Variants in CMTR1 observed in about 807,000 individuals in gnomAD.
The protein encoded by CMTR1 is cap-specific mRNA (nucleoside-2'-O-)-methyltransferase 1.
CMTR1 carries 39 observed loss-of-function variants against 107.0 expected under a neutral mutation model. The observed-to-expected ratio is 0.36, with a 90% CI of 0.28 to 0.48. The LOEUF is 0.48. Ranked by LOEUF, CMTR1 falls within the 20% of genes least tolerant of loss-of-function variation. The pLI, the probability that CMTR1 is intolerant of heterozygous loss-of-function variation, is 0.99. For synonymous variants in CMTR1, 366 were observed against 379.5 expected (o/e 0.96, Z 0.41); for missense variants, 672 against 1,064.9 (o/e 0.63, Z 5.14).
intron 4 of CMTR1, among the ~76,000 whole-genome samples, chr6:37,447,887 A>G (rs1771831862): frequency 6.8e-6 from 1 of 147,772 alleles, no homozygotes; most frequent in African/African-American, 2.5e-5. Flanking sequence ...AAAAAGCCCT[A>G]TAAGTAAGTA....
intron 2 of CMTR1, among the ~76,000 whole-genome samples, chr6:37,443,562 C>G (rs1182282287): frequency 6.6e-6 from 1 of 152,150 alleles, no homozygotes; most frequent in Non-Finnish European, 1.5e-5. Context: ...ACCATGTTGG[C>G]CAGGCTGATC....
intron 14 of CMTR1, 109 bp from the exon 15 acceptor site, chr6:37,471,738 T>G: frequency 1.1e-6 from 1 of 891,966 alleles, no homozygotes; most frequent in Non-Finnish European, 1.8e-6. Flanking sequence ...GTGTGTACAC[T>G]CACATGTTCA....
chr6:37,456,842 G>GT (rs1176058853), intron 8 of CMTR1, among the ~76,000 whole-genome samples: 1 of 152,176 alleles, frequency 6.6e-6, no homozygotes, highest in Non-Finnish European at 1.5e-5. Context: ...TCAGGTGTGG[G>GT]TAAGAGCATA....
intron 2 of CMTR1, among the ~76,000 whole-genome samples, chr6:37,443,642 C>T (rs887615904): frequency 2.6e-5 from 4 of 152,182 alleles, no homozygotes; most frequent in Non-Finnish European, 5.9e-5. Flanking sequence ...ACGCGTGAGC[C>T]ACCATGCCCA....
the CMTR1 span, among the ~76,000 whole-genome samples, chr6:37,426,594 C>T: frequency 1.3e-4 from 19 of 151,680 alleles, no homozygotes; most frequent in South Asian, 1.0e-3. Context: ...AGTGCAGTAA[C>T]GCAATCTTGG....
rs757889285 is a variant in CMTR1, at chr6:37,450,271, G to A, written c.465G>A (p.Val155=). ...TGCAGCCCAGTGCTTGTGAGCAGGTGTCATGGTTTCCAGAATGTACCACTG... is the reference window on the plus strand; with the variant it reads ...TGCAGCCCAGTGCTTGTGAGCAGGTATCATGGTTTCCAGAATGTACCACTG... ...DEPEPSACEQ[V]SWFPECTTEI... Residue 155 remains valine, a synonymous_variant, in exon 5 of 24, where the codon GTG becomes GTA. Coordinates refer to ENST00000373451, the MANE Select transcript of CMTR1 (RefSeq NM_015050.3). 4 of 1,614,078 alleles carry A rather than the reference G, an allele frequency of 2.5e-6. No individual in the cohort carries two copies. The highest frequency in any genetic ancestry group is 2.2e-5 in the South Asian group (2 of 91,072).
rs75724438 is a variant in CMTR1 at position 37,458,363 on chromosome 6, A to T, written c.778-249A>T. Among the ~76,000 whole-genome samples the T allele has an allele frequency of 6.6e-5, 10 of 152,132 alleles. No individual in the cohort carries two copies. In the East Asian group the frequency reaches 1.9e-3, roughly 29 times the overall value. On this transcript the variant is annotated intron_variant, in intron 8 of 23. Transcript: ENST00000373451. This position sits in a 1 kb window ranked among gnomAD's most constrained non-coding sequence, Gnocchi z 4.7. ...AGCCACCGCGCCTGGCTCCATGAAGATGTTTTTATGAGGAGTCTGAGCTAG... is the reference window on the plus strand; with the variant it reads ...AGCCACCGCGCCTGGCTCCATGAAGTTGTTTTTATGAGGAGTCTGAGCTAG...
At chr6:37,436,267 T>C (rs2113861399) in intron 2 of CMTR1, 2 of 152,564 alleles carry the variant, frequency 1.3e-5, no homozygotes, top group South Asian at 4.1e-4. Context: ...AAGATTTCAC[T>C]AATCTGGTTG....
Position 37,451,824 on chromosome 6 carries a change from G to A in CMTR1, c.556G>A (p.Asp186Asn). ...VVGKRKMIIE[D>N]ETEFCGEELL... ...CCTGTAGAGAAAGATGATTATTGAA[G>A]ATGAAACAGAGTTTTGTGGGGAAGA... Residue 186 changes from aspartate (D) to asparagine (N), a missense_variant, in exon 6 of 24, where the codon GAT (aspartate) becomes AAT (asparagine). By Grantham distance (23) the Asp-to-Asn change is conservative (BLOSUM62 1). Coordinates refer to ENST00000373451, the MANE Select transcript of CMTR1 (RefSeq NM_015050.3). The A allele has an allele frequency of 1.2e-6, 2 of 1,613,598 alleles. No individual in the cohort carries two copies. Among genetic ancestry groups the A allele is most frequent in the Non-Finnish European group, 8.5e-7 (1 of 1,179,702 alleles).
At chr6:37,425,256 A>T in the CMTR1 span, among the ~76,000 whole-genome samples, 1 of 147,070 alleles carries the variant, frequency 6.8e-6, no homozygotes, top group African/African-American at 2.5e-5. Flanking sequence ...CTGGATATAG[A>T]ATTCTTGATT....
chr6:37,456,888 T>C (rs150773004), intron 8 of CMTR1, among the ~76,000 whole-genome samples: 298 of 152,028 alleles, frequency 2.0e-3, no homozygotes, highest in African/African-American at 6.8e-3. Context: ...AAACATACAA[T>C]ATGGTCCAGT....
At chr6:37,444,243 C>T (rs1562117575) in intron 3 of CMTR1, 93 bp downstream of exon 3, 2 of 1,491,452 alleles carry the variant, frequency 1.3e-6, no homozygotes, top group Non-Finnish European at 9.0e-7. Context: ...AAAGTTTGGC[C>T]ATAGGTTTTT....
rs778269576 is a variant in CMTR1, at chr6:37,450,255, G to A, written c.449G>A (p.Ser150Asn). Residue 150 changes from serine (S) to asparagine (N), a missense_variant, in exon 5 of 24, where the codon AGT becomes AAT. By Grantham distance (46) the Ser-to-Asn change is conservative. This residue lies in a region of CMTR1 where 583 missense variants were observed against 968.4 expected (regional missense o/e 0.60). Transcript: ENST00000373451. ...TAGCCTCTCTTTTGTTTGCAGCCCA[G>A]TGCTTGTGAGCAGGTGTCATGGTTT... is the stretch of plus-strand genomic sequence containing the variant. ...NVDWRDEPEP[S>N]ACEQVSWFPE... 4.6e-5 allele frequency: 75 copies of A among 1,613,828 alleles called. No homozygotes were observed. In the South Asian group the frequency reaches 6.5e-4, roughly 14 times the overall value.
intron 1 of CMTR1, among the ~76,000 whole-genome samples, chr6:37,435,027 C>G (rs920042914): frequency 6.6e-6 from 1 of 152,076 alleles, no homozygotes; most frequent in Non-Finnish European, 1.5e-5. Context: ...CTTGTGTTTC[C>G]TCGGTCTTAA....
chr6:37,438,844 T>C (rs1562115896), intron 2 of CMTR1, among the ~76,000 whole-genome samples: 1 of 152,224 alleles, frequency 6.6e-6, no homozygotes, highest in African/African-American at 2.4e-5. Context: ...GTTTGCTGTC[T>C]ACATATCCCC....
chr6:37,463,019 G>C lies in CMTR1; in HGVS notation c.1505+11G>C. 2 of 1,612,236 alleles carry C rather than the reference G, an allele frequency of 1.2e-6. No homozygotes were observed. Among genetic ancestry groups the C allele is most frequent in the Non-Finnish European group, 1.7e-6 (2 of 1,178,428 alleles). On this transcript the variant is annotated intron_variant, in intron 13 of 23. Coordinates refer to ENST00000373451, the MANE Select transcript of CMTR1 (RefSeq NM_015050.3). ...ACGGTCCAATGAGAGGTAAGCCAAC[G>C]GGCTGGTTTTTGCTGGTAACACTGA... is the stretch of plus-strand genomic sequence containing the variant.
At chr6:37,473,285 C>T (rs950311038) in intron 16 of CMTR1, among the ~76,000 whole-genome samples, 185 bp from the exon 17 acceptor site, 11 of 152,176 alleles carry the variant, frequency 7.2e-5, no homozygotes, top group African/African-American at 2.7e-4. Context: ...CAGGAACATT[C>T]CAAGCAGATG....
At position 37,480,428 on chromosome 6, in the gene CMTR1, G is replaced by T. The variant is rs185309199; in HGVS notation, c.*283G>T. 2.9e-4 allele frequency: 365 copies of T among 1,255,640 alleles called. 3 individuals carry two copies. The Admixed American group carries it at 6.5e-3, about 22-fold the overall frequency. 77.8% of individuals were successfully genotyped at this position (1,255,640 alleles called of 1,614,324 possible). On this transcript the variant is annotated 3_prime_UTR_variant, in exon 24 of 24. Coordinates refer to ENST00000373451, the MANE Select transcript of CMTR1 (RefSeq NM_015050.3). ...AGGCAGGTATGAGGTCAGTGCCTAG[G>T]GCACGTGGGACTGATGGAGGACATA...
chr6:37,437,912 A>G (rs1320701176), intron 2 of CMTR1, among the ~76,000 whole-genome samples: 1 of 152,176 alleles, frequency 6.6e-6, no homozygotes, highest in African/African-American at 2.4e-5. Flanking sequence ...GAAGTAAGGA[A>G]AGGACAAGTC....
Sources: gnomAD v4.1 joint callset for allele counts (sites outside exome capture counted in the v4.1 genomes callset) on GRCh38, gnomAD v4.1.1 for gene constraint, gnomAD v4.1.1 regional missense constraint, Gnocchi (gnomAD v3.1) non-coding constraint, MANE v1.5 for transcripts, NCBI Gene and HGNC (gene_info 2026-07-23, HGNC 2026-07-21) for gene names.